The following RGS6 variants were observed in gnomAD, a reference collection of about 807,000 sequenced individuals.
RGS6 encodes regulator of G protein signaling 6.
Under a neutral mutation model 78.5 loss-of-function variants are expected in RGS6, and 30 were observed. The ratio of observed to expected loss-of-function variants is 0.38; its 90% CI spans 0.29 to 0.52. RGS6 has a LOEUF of 0.52. Ranked by LOEUF, RGS6 falls within the 20% of genes least tolerant of loss-of-function variation. The pLI is 0.85. For synonymous variants in RGS6, 206 were observed against 206.0 expected (o/e 1.00, Z 0.00); for missense variants, 495 against 609.7 (o/e 0.81, Z 1.98).
chr14:72,137,976 T>A (rs1161385054), intron 2 of RGS6, among the ~76,000 whole-genome samples: 1 of 152,068 alleles, frequency 6.6e-6, no homozygotes, highest in African/African-American at 2.4e-5. Flanking sequence ...CCAACCCCCA[T>A]CCTGAGGCTA....
chr14:72,034,608 A>T (rs1231573590), intron 2 of RGS6, among the ~76,000 whole-genome samples: 1 of 152,290 alleles, frequency 6.6e-6, no homozygotes, highest in Admixed American at 6.5e-5. Flanking sequence ...AGTATTTATC[A>T]GGGATCCTTG....
the RGS6 span, chr14:72,612,334 GC>G: frequency 4.6e-6 from 2 of 435,258 alleles, no homozygotes; most frequent in Admixed American, 4.9e-5. Context: ...TACCTACCCC[GC>G]CTCTCTCCAG....
At chr14:72,241,190 T>C (rs1391460653) in intron 2 of RGS6, among the ~76,000 whole-genome samples, 1 of 150,630 alleles carries the variant, frequency 6.6e-6, no homozygotes, top group African/African-American at 2.4e-5. Flanking sequence ...ATGCCTTTTA[T>C]GAGAGCAAGC....
Position 72,289,931 on chromosome 14 carries a change from C to A in RGS6, c.85-62164C>A, listed in dbSNP as rs148774285. On this transcript the variant is annotated intron_variant, in intron 2 of 17. Coordinates refer to ENST00000553525, the MANE Select transcript of RGS6 (RefSeq NM_001204424.2). ...AGTTATTGGTCTCTCCTTGTCAGAA[C>A]TGTTGTTTTCCCTGTCACTTCTCAG... Among the ~76,000 whole-genome samples, 442 of 152,290 alleles carry A rather than the reference C, an allele frequency of 2.9e-3. 2 individuals carry two copies. The highest frequency in any genetic ancestry group is 0.01 in the African/African-American group (424 of 41,552).
intron 2 of RGS6, among the ~76,000 whole-genome samples, chr14:72,292,006 G>A (rs763927254): frequency 9.2e-5 from 14 of 151,972 alleles, no homozygotes; most frequent in East Asian, 1.9e-4. Flanking sequence ...AAAATCTGGC[G>A]TCACACAGCA....
At chr14:72,210,330 G>C (rs1340710309) in intron 2 of RGS6, among the ~76,000 whole-genome samples, 1 of 152,146 alleles carries the variant, frequency 6.6e-6, no homozygotes, top group Non-Finnish European at 1.5e-5. Flanking sequence ...GGGGCTCCTA[G>C]TTCAGGTTGC....
At chr14:72,302,220 G>A (rs192824641) in intron 2 of RGS6, among the ~76,000 whole-genome samples, 39 of 152,340 alleles carry the variant, frequency 2.6e-4, no homozygotes, top group African/African-American at 9.1e-4. Context: ...GGTAATAAGA[G>A]CCGGCACTAT....
At chr14:72,447,421 T>A (rs537863765) in intron 3 of RGS6, among the ~76,000 whole-genome samples, 19 of 152,296 alleles carry the variant, frequency 1.2e-4, no homozygotes, top group African/African-American at 4.3e-4. Context: ...TCCAACAAGC[T>A]GTCTATCGGA....
At chr14:72,164,799 G>A (rs963332232) in intron 2 of RGS6, among the ~76,000 whole-genome samples, 1 of 152,096 alleles carries the variant, frequency 6.6e-6, no homozygotes, top group African/African-American at 2.4e-5. Context: ...AATAAACAGC[G>A]ACTGACTTAA....
At chr14:72,397,814 G>C (rs1436031788) in intron 3 of RGS6, among the ~76,000 whole-genome samples, 1 of 152,066 alleles carries the variant, frequency 6.6e-6, no homozygotes, top group Non-Finnish European at 1.5e-5. Flanking sequence ...ATAATCATGT[G>C]GTTTTTGTCT....
At chr14:72,207,086 C>T (rs2042894902) in intron 2 of RGS6, among the ~76,000 whole-genome samples, 1 of 152,068 alleles carries the variant, frequency 6.6e-6, no homozygotes, top group Non-Finnish European at 1.5e-5. Flanking sequence ...AACTCATAGA[C>T]ATAACATATT....
intron 2 of RGS6, among the ~76,000 whole-genome samples, chr14:72,118,590 C>T (rs757307636): frequency 6.6e-6 from 1 of 152,186 alleles, no homozygotes; most frequent in Non-Finnish European, 1.5e-5. Context: ...AGGAGCAGAA[C>T]AGTAAACCCA....
At chr14:72,107,868 A>G (rs923271339) in intron 2 of RGS6, among the ~76,000 whole-genome samples, 10 of 152,150 alleles carry the variant, frequency 6.6e-5, no homozygotes, top group African/African-American at 2.4e-4. Context: ...TATTAATACT[A>G]CCACCACCAA....
chr14:71,910,698 G>A, the RGS6 span, among the ~76,000 whole-genome samples: 1 of 152,216 alleles, frequency 6.6e-6, no homozygotes, highest in Non-Finnish European at 1.5e-5. Flanking sequence ...AGATTTGAGA[G>A]GTATCAAGAA....
At chr14:72,621,872 C>T in the RGS6 span, among the ~76,000 whole-genome samples, 1 of 152,150 alleles carries the variant, frequency 6.6e-6, no homozygotes, top group South Asian at 2.1e-4. Context: ...TACAGCCACC[C>T]AATGGGACAT....
intron 2 of RGS6, among the ~76,000 whole-genome samples, chr14:72,168,115 C>T (rs1202799658): frequency 6.6e-6 from 1 of 152,216 alleles, no homozygotes; most frequent in African/African-American, 2.4e-5. Context: ...CAAATGCTTT[C>T]AAGGTTGGAG....
chr14:72,038,411 C>G (rs1448913866), intron 2 of RGS6, among the ~76,000 whole-genome samples: 2 of 152,124 alleles, frequency 1.3e-5, no homozygotes, highest in Admixed American at 6.6e-5. Context: ...TTAGAATCAC[C>G]TTAGTTCTAC....
At chr14:72,481,805 CTTTT>C (rs34462310) in intron 12 of RGS6, among the ~76,000 whole-genome samples, 2 of 120,060 alleles carry the variant, frequency 1.7e-5, no homozygotes, top group Admixed American at 8.9e-5. Context: ...TTTATTTTAA[CTTTT>C]TTTTTTTTTT....
chr14:72,385,383 A>G (rs2087633802), intron 3 of RGS6, among the ~76,000 whole-genome samples: 1 of 152,188 alleles, frequency 6.6e-6, no homozygotes, highest in Admixed American at 6.5e-5. Flanking sequence ...GATGTAAAAT[A>G]GTGTTATCAG....
Sources: gnomAD v4.1 joint callset for allele counts (sites outside exome capture counted in the v4.1 genomes callset) on GRCh38, gnomAD v4.1.1 for gene constraint, MANE v1.5 for transcripts, NCBI Gene and HGNC (gene_info 2026-07-23, HGNC 2026-07-21) for gene names.